Variants in FCHO2 observed in about 807,000 individuals in gnomAD.
FCHO2 encodes F-BAR domain only protein 2.
In FCHO2, 43 loss-of-function variants were observed where a neutral mutation model predicts 114.1. The ratio of observed to expected loss-of-function variants is 0.38; its 90% CI spans 0.30 to 0.49. The LOEUF (loss-of-function observed/expected upper bound fraction) is 0.49. Among genes scored for constraint, FCHO2 ranks in the 20% least tolerant of loss-of-function variants. The pLI is 0.97. For missense variants in FCHO2, 807 were observed against 950.4 expected (o/e 0.85, Z 1.98); for synonymous variants, 293 against 315.2 (o/e 0.93, Z 0.75).
At chr5:73,008,288 G>A (rs1344557558) in intron 6 of FCHO2, among the ~76,000 whole-genome samples, 1 of 152,146 alleles carries the variant, frequency 6.6e-6, no homozygotes, top group Non-Finnish European at 1.5e-5. Context: ...ATGTCTAAAG[G>A]AGAATCAAGA....
intron 8 of FCHO2, chr5:73,020,964 T>C: frequency 3.8e-6 from 6 of 1,596,674 alleles, no homozygotes; most frequent in Non-Finnish European, 5.1e-6. Flanking sequence ...GGCTGTTGAG[T>C]GGTTCGGGTC....
At chr5:73,082,897 CAG>C (rs1415966846) in intron 24 of FCHO2, 72 bp downstream of exon 24, 2 of 1,261,116 alleles carry the variant, frequency 1.6e-6, no homozygotes, top group Admixed American at 2.5e-5. Flanking sequence ...TTTTTTAAAA[CAG>C]AGTCTAGCTT....
intron 1 of FCHO2, among the ~76,000 whole-genome samples, chr5:72,962,002 T>C (rs1013312903): frequency 5.3e-5 from 8 of 152,198 alleles, no homozygotes; most frequent in Non-Finnish European, 1.0e-4. Context: ...CAGGCCCAAC[T>C]TGTTCCCATT....
chr5:73,027,393 T>A (rs1755996810), intron 8 of FCHO2, among the ~76,000 whole-genome samples: 1 of 151,862 alleles, frequency 6.6e-6, no homozygotes, highest in Admixed American at 6.6e-5. Flanking sequence ...CCGGTGTTTT[T>A]GAAGAGCAAA....
chr5:73,061,364 A>C (rs2112858291), intron 17 of FCHO2, among the ~76,000 whole-genome samples: 1 of 152,220 alleles, frequency 6.6e-6, no homozygotes, highest in East Asian at 1.9e-4. Context: ...GTGTATTGTT[A>C]TTAAATTTTC....
rs1019307599 is a variant in FCHO2, at chr5:73,063,925, T to C, written c.1430T>C (p.Leu477Pro). 1.1e-5 allele frequency: 18 copies of C among 1,610,492 alleles called. No individual in the cohort carries two copies. Among genetic ancestry groups the C allele is most frequent in the Non-Finnish European group, 1.5e-5 (18 of 1,178,200 alleles). The change falls in exon 18 of 26, where the codon CTC becomes CCC. Residue 477 changes from leucine (L) to proline (P), a missense_variant. Transcript: ENST00000430046. ...ASRPKLTSGK[L>P]SGINEIPRPF... The stretch of plus-strand genomic sequence containing the variant: ...AGACCAAAGCTTACTTCAGGCAAAC[T>C]CAGTGGGATTAATGAAATAGTATGT...
At chr5:73,017,184 A>G in intron 7 of FCHO2, 28 bp from the exon 8 acceptor site, 1 of 1,330,964 alleles carries the variant, frequency 7.5e-7, no homozygotes, top group Non-Finnish European at 1.0e-6. Context: ...TGGAAAAAGA[A>G]AAAGTTATCT....
chr5:72,976,814 T>C (rs1752915118), intron 2 of FCHO2, among the ~76,000 whole-genome samples: 1 of 136,398 alleles, frequency 7.3e-6, no homozygotes, highest in African/African-American at 2.8e-5. Context: ...TGGTGTGTGA[T>C]GTTCCCCTCC....
chr5:73,050,639 A>AAGACTAAGTGGTTT (rs1757300299), intron 11 of FCHO2, among the ~76,000 whole-genome samples: 1 of 152,078 alleles, frequency 6.6e-6, no homozygotes. Flanking sequence ...TTTTATTGGC[A>AAGACTAAGTGGTTT]AGACTAAGTG....
intron 5 of FCHO2, chr5:72,997,016 A>C: frequency 6.6e-7 from 1 of 1,520,466 alleles, no homozygotes; most frequent in Non-Finnish European, 9.1e-7. Context: ...GCAGATCTGC[A>C]TGGTAATTCA....
At chr5:73,008,413 G>A (rs1324672452) in intron 6 of FCHO2, among the ~76,000 whole-genome samples, 1 of 152,084 alleles carries the variant, frequency 6.6e-6, no homozygotes, top group Non-Finnish European at 1.5e-5. Context: ...GATGGGTTGA[G>A]GAATTCTTCG....
intron 1 of FCHO2, among the ~76,000 whole-genome samples, chr5:72,957,500 G>C (rs1297541239): frequency 6.6e-6 from 1 of 152,280 alleles, no homozygotes; most frequent in East Asian, 1.9e-4. Flanking sequence ...TTAGCATAAT[G>C]TTCTCAAAGT....
At chr5:73,086,181 GTGTACTCA>G (rs1312829525) in intron 24 of FCHO2, among the ~76,000 whole-genome samples, 1 of 152,102 alleles carries the variant, frequency 6.6e-6, no homozygotes, top group Non-Finnish European at 1.5e-5. Flanking sequence ...GTTGCTGACT[GTGTACTCA>G]GAAGAGGGAC....
chr5:73,005,382 C>G (rs1387537686), intron 5 of FCHO2, among the ~76,000 whole-genome samples: 2 of 152,124 alleles, frequency 1.3e-5, no homozygotes, highest in Non-Finnish European at 2.9e-5. Flanking sequence ...TTTTATTCAT[C>G]TAGTCATGAG....
chr5:73,056,043 CA>C (rs1303816846), intron 15 of FCHO2, 21 bp from the exon 16 acceptor site: 16 of 1,434,758 alleles, frequency 1.1e-5, no homozygotes, highest in Non-Finnish European at 1.5e-5. Context: ...ATGAAGTTTT[CA>C]TATTTTAATT....
intron 11 of FCHO2, among the ~76,000 whole-genome samples, chr5:73,050,411 TG>T (rs571796374): frequency 0.011 from 1,638 of 151,908 alleles, 25 homozygotes; most frequent in Middle Eastern, 0.037. Context: ...CTCTGCCTCC[TG>T]GGTTCAAGCA....
chr5:72,982,582 G>A (rs1024120292), intron 2 of FCHO2, among the ~76,000 whole-genome samples: 5 of 152,060 alleles, frequency 3.3e-5, no homozygotes, highest in Non-Finnish European at 5.9e-5. Flanking sequence ...TTTAGGTATT[G>A]GAATGCCTTT....
At chr5:73,015,299 G>C (rs1755248028) in intron 6 of FCHO2, among the ~76,000 whole-genome samples, 1 of 150,720 alleles carries the variant, frequency 6.6e-6, no homozygotes, top group Non-Finnish European at 1.5e-5. Flanking sequence ...GTCTCGCTCT[G>C]TCGCCCAGGC....
rs370337568 is a variant in FCHO2 at position 73,020,976 on chromosome 5, A to AT, written c.796+3670dup. 34 of 1,596,726 alleles carry AT rather than the reference A, an allele frequency of 2.1e-5. No homozygotes were observed. The African/African-American group carries it at 3.7e-4, about 18-fold the overall frequency. On this transcript the variant is annotated intron_variant, in intron 8 of 25. Transcript: ENST00000430046. ...TTCGGCTGTTGAGTGGTTCGGGTCC[A>AT]TTCACATCTTTGCTCTTTTCATTAT... is the stretch of plus-strand genomic sequence containing the variant.
Sources: gnomAD v4.1 joint callset for allele counts (sites outside exome capture counted in the v4.1 genomes callset) on GRCh38, gnomAD v4.1.1 for gene constraint, MANE v1.5 for transcripts, NCBI Gene and HGNC (gene_info 2026-07-23, HGNC 2026-07-21) for gene names.